The following STK38L variants were observed in gnomAD, a reference collection of about 807,000 sequenced individuals.
STK38L encodes serine/threonine kinase 38 like.
STK38L carries 28 observed loss-of-function variants against 59.7 expected under a neutral mutation model. That is an observed-to-expected ratio of 0.47 (90% CI 0.35 to 0.64). STK38L has a LOEUF of 0.64. Ranked by LOEUF, STK38L falls within the 30% of genes least tolerant of loss-of-function variation. The pLI is 0.01. For synonymous variants in STK38L, 162 were observed against 176.8 expected, an observed-to-expected ratio of 0.92 and a Z score of 0.66; for missense variants, 314 against 555.8, an observed-to-expected ratio of 0.56 and a Z score of 4.37.
chr12:27,248,756 A>G lies in STK38L; in HGVS notation c.-12+4424A>G, dbSNP rs963790063. ...AGGACAGTTGATGGTTGATGAGCTT[A>G]AAACCTAATGGGAAGAGTAGCAGAA... On this transcript the variant is annotated intron_variant, in intron 1 of 13. Transcript: ENST00000389032. Among the ~76,000 whole-genome samples, 4 of 152,384 alleles carry G rather than the reference A, an allele frequency of 2.6e-5. No homozygotes were observed. In the South Asian group the frequency reaches 8.3e-4, roughly 32 times the overall value.
At chr12:27,258,786 T>A (rs1229104754) in intron 1 of STK38L, among the ~76,000 whole-genome samples, 1 of 152,262 alleles carries the variant, frequency 6.6e-6, no homozygotes. Flanking sequence ...GCTCTCCTTT[T>A]TTTCATTATT....
intron 1 of STK38L, among the ~76,000 whole-genome samples, chr12:27,275,624 C>T (rs527784165): frequency 6.6e-6 from 1 of 152,300 alleles, no homozygotes; most frequent in East Asian, 1.9e-4. Context: ...CAGGCATGAG[C>T]CACCACGCCC....
chr12:27,313,202 A>C (rs1055277432), intron 6 of STK38L, among the ~76,000 whole-genome samples: 1 of 149,362 alleles, frequency 6.7e-6, no homozygotes, highest in East Asian at 2.0e-4. Flanking sequence ...GAGCCGAGAT[A>C]GCGCCACTGC....
chr12:27,296,649 C>G (rs995140932), intron 1 of STK38L, among the ~76,000 whole-genome samples: 3 of 152,324 alleles, frequency 2.0e-5, no homozygotes, highest in East Asian at 3.9e-4. Flanking sequence ...GATGGTCACT[C>G]TTGGCAAGCT....
intron 1 of STK38L, among the ~76,000 whole-genome samples, chr12:27,267,723 A>G: frequency 1.6e-5 from 1 of 63,448 alleles, no homozygotes; most frequent in Non-Finnish European, 3.7e-5. Flanking sequence ...TAGTCTTCCC[A>G]TTGTTCTTCC....
chr12:27,305,071 G>A (rs899632786), intron 3 of STK38L, among the ~76,000 whole-genome samples: 2 of 152,220 alleles, frequency 1.3e-5, no homozygotes, highest in African/African-American at 4.8e-5. Flanking sequence ...CAGTGGTGGG[G>A]ACTGACAAAT....
chr12:27,269,148 C>A (rs1232765675), intron 1 of STK38L, among the ~76,000 whole-genome samples: 1 of 152,098 alleles, frequency 6.6e-6, no homozygotes, highest in East Asian at 1.9e-4. Context: ...TCAATTTTGG[C>A]TTTTGTTGCC....
At chr12:27,284,144 A>G (rs1445337627) in intron 1 of STK38L, among the ~76,000 whole-genome samples, 1 of 152,224 alleles carries the variant, frequency 6.6e-6, no homozygotes, top group Non-Finnish European at 1.5e-5. Context: ...ACTTAGTGTT[A>G]GATATGGACA....
chr12:27,318,556 A>T (rs1039099234), intron 11 of STK38L, among the ~76,000 whole-genome samples: 3 of 152,218 alleles, frequency 2.0e-5, no homozygotes, highest in African/African-American at 7.2e-5. Context: ...TATGCAGATA[A>T]TCAGATACGT....
chr12:27,244,310 G>GC lies in STK38L; in HGVS notation c.-32dup, dbSNP rs1235407804. On this transcript the variant is annotated 5_prime_UTR_variant, in exon 1 of 14. Transcript: ENST00000389032. ...TGCGGTCCGTGCGGAGGCTGAGCCGGCCGCGGGCGCGACCGGAGGCAGGTG... is the reference window on the plus strand; with the variant it reads ...TGCGGTCCGTGCGGAGGCTGAGCCGGCCCGCGGGCGCGACCGGAGGCAGGTG... The GC allele has an allele frequency of 6.6e-6, 1 of 152,270 alleles. No individual in the cohort carries two copies. Among genetic ancestry groups the GC allele is most frequent in the Non-Finnish European group, 1.5e-5 (1 of 68,060 alleles). 9.4% of individuals were successfully genotyped at this position (152,270 alleles called of 1,614,324 possible). A position where few individuals can be genotyped will look rare whatever the true frequency, so the allele number is the denominator to read the frequency against.
chr12:27,252,021 C>T (rs1331921270), intron 1 of STK38L, among the ~76,000 whole-genome samples: 1 of 152,150 alleles, frequency 6.6e-6, no homozygotes, highest in Non-Finnish European at 1.5e-5. Context: ...GCTGTGTCAC[C>T]CAGGCTGGAG....
At chr12:27,318,871 G>A (rs187438356) in intron 11 of STK38L, among the ~76,000 whole-genome samples, 10 of 152,212 alleles carry the variant, frequency 6.6e-5, no homozygotes, top group Non-Finnish European at 1.3e-4. Context: ...GGCGCCTGTA[G>A]TCCCAGCTAC....
intron 1 of STK38L, among the ~76,000 whole-genome samples, chr12:27,276,003 A>G (rs1943527720): frequency 6.6e-6 from 1 of 152,228 alleles, no homozygotes; most frequent in South Asian, 2.1e-4. Context: ...TCCCCTTGCC[A>G]TGGATAGGCC....
chr12:27,305,837 G>A (rs1295066185), intron 3 of STK38L, among the ~76,000 whole-genome samples: 1 of 152,172 alleles, frequency 6.6e-6, no homozygotes, highest in Non-Finnish European at 1.5e-5. Flanking sequence ...AAAGAGAGTC[G>A]TGAAATGTTA....
At chr12:27,322,105 A>C (rs746502620) in intron 12 of STK38L, 38 bp from the exon 13 acceptor site, 1 of 1,571,940 alleles carries the variant, frequency 6.4e-7, no homozygotes. Flanking sequence ...TTGAGAGTTC[A>C]AGAAAAGTTA....
chr12:27,314,898 G>A lies in STK38L; in HGVS notation c.673-117G>A, dbSNP rs189537183. 50 of 885,274 alleles carry A rather than the reference G, an allele frequency of 5.6e-5. 1 individual carries two copies. Among genetic ancestry groups the A allele is most frequent in the Admixed American group, 4.1e-4 (13 of 31,836 alleles). 54.8% of individuals were successfully genotyped at this position (885,274 alleles called of 1,614,324 possible). A position where few individuals can be genotyped will look rare whatever the true frequency, so the allele number is the denominator to read the frequency against. ...AGATACTTAAAATTTTACATTTTAC[G>A]TGTATAAATCCCAAGCTAAGAATTT... On this transcript the variant is annotated intron_variant, in intron 7 of 13. Transcript: ENST00000389032.
chr12:27,245,354 A>G (rs930856139), intron 1 of STK38L, among the ~76,000 whole-genome samples: 3 of 152,196 alleles, frequency 2.0e-5, no homozygotes, highest in African/African-American at 7.2e-5. Flanking sequence ...CAAATCTGAA[A>G]AAACAGCTTT....
At chr12:27,291,628 T>C (rs1021338946) in intron 1 of STK38L, among the ~76,000 whole-genome samples, 4 of 152,224 alleles carry the variant, frequency 2.6e-5, no homozygotes, top group African/African-American at 9.6e-5. Context: ...ACCTATGAAT[T>C]TCTTGCATTT....
In STK38L at chr12:27,317,613, C is replaced by G. The variant is rs199581045; in HGVS notation, c.955+160C>G. 3 of 717,950 alleles carry G rather than the reference C, an allele frequency of 4.2e-6. No individual in the cohort carries two copies. In the East Asian group the frequency reaches 8.1e-5, roughly 19 times the overall value. 44.5% of individuals were successfully genotyped at this position (717,950 alleles called of 1,614,324 possible). A position where few individuals can be genotyped will look rare whatever the true frequency, so the allele number is the denominator to read the frequency against. ...ATACATACTGATCAATACCAGTGAG[C>G]TCCCCACGGATCCTGTTTCAGGAAG... On this transcript the variant is annotated intron_variant, in intron 10 of 13. Coordinates refer to ENST00000389032, the MANE Select transcript of STK38L (RefSeq NM_015000.4).
Sources: allele counts gnomAD v4.1 joint callset (sites outside exome capture counted in the v4.1 genomes callset), GRCh38; gene constraint gnomAD v4.1.1; transcripts MANE v1.5; gene names NCBI Gene and HGNC (gene_info 2026-07-23, HGNC 2026-07-21).